The following BTBD2 variants were observed in gnomAD, a reference collection of about 807,000 sequenced individuals.
BTBD2 encodes BTB domain containing 2.
In BTBD2, 15 loss-of-function variants were observed where a neutral mutation model predicts 44.0. The observed-to-expected ratio is 0.34, with a 90% CI of 0.23 to 0.53. The LOEUF (loss-of-function observed/expected upper bound fraction) is 0.53, where lower values mean the gene tolerates loss of function less well. Ranked by LOEUF, BTBD2 falls within the 20% of genes least tolerant of loss-of-function variation. The pLI, the probability that BTBD2 is intolerant of heterozygous loss-of-function variation, is 0.95. For synonymous variants in BTBD2, 443 were observed against 335.9 expected (o/e 1.32, Z -3.49); for missense variants, 657 against 746.4 (o/e 0.88, Z 1.39).
chr19:1,999,690 G>C (rs1447692178), intron 1 of BTBD2, among the ~76,000 whole-genome samples: 1 of 151,716 alleles, frequency 6.6e-6, no homozygotes, highest in Admixed American at 6.6e-5. Flanking sequence ...GCCAGGTGCA[G>C]TGGCTCACGC....
At chr19:2,005,300 T>A (rs953276878) in intron 1 of BTBD2, among the ~76,000 whole-genome samples, 4 of 151,432 alleles carry the variant, frequency 2.6e-5, no homozygotes, top group African/African-American at 9.7e-5. Context: ...TGCCTCGGAG[T>A]GGAATGACCC....
rs1180437132 is a variant in BTBD2 at position 1,986,617 on chromosome 19, C to T, written c.1449G>A (p.Leu483=). The change falls in exon 9 of 9, where the codon CTG becomes CTA. Residue 483 remains leucine, a synonymous_variant. Coordinates refer to ENST00000255608, the MANE Select transcript of BTBD2 (RefSeq NM_017797.4). ...GPDSHYGTKG[L]RKVTHESPTT... ...TGGGCGACTCGTGTGTCACCTTGCG[C>T]AGGCCTTTGGTGCCGTAGTGGGAGT... 1.9e-6 allele frequency: 3 copies of T among 1,613,804 alleles called. No individual in the cohort carries two copies. Among genetic ancestry groups the T allele is most frequent in the Non-Finnish European group, 2.5e-6 (3 of 1,179,896 alleles).
At chr19:2,009,149 G>A (rs1415274573) in intron 1 of BTBD2, among the ~76,000 whole-genome samples, 1 of 151,914 alleles carries the variant, frequency 6.6e-6, no homozygotes, top group East Asian at 1.9e-4. Flanking sequence ...CTCCCCAGTA[G>A]CTGGGGTTAC....
chr19:2,008,224 A>T (rs2016418987), intron 1 of BTBD2, among the ~76,000 whole-genome samples: 1 of 151,748 alleles, frequency 6.6e-6, no homozygotes, highest in South Asian at 2.1e-4. Flanking sequence ...GGCTGCTCTC[A>T]AACTCCTGAC....
intron 1 of BTBD2, among the ~76,000 whole-genome samples, chr19:1,997,732 T>A (rs937159913): frequency 4.6e-5 from 7 of 152,298 alleles, no homozygotes; most frequent in African/African-American, 1.7e-4. Flanking sequence ...CTCACCATCC[T>A]CTCTCTTTCC....
At chr19:1,994,938 C>G (rs1379567575) in intron 2 of BTBD2, among the ~76,000 whole-genome samples, 1 of 152,006 alleles carries the variant, frequency 6.6e-6, no homozygotes, top group Admixed American at 6.6e-5. Flanking sequence ...ATGGTCAAAC[C>G]CAATGTCATG....
At chr19:2,010,929 C>A (rs1373016536) in intron 1 of BTBD2, among the ~76,000 whole-genome samples, 1 of 152,186 alleles carries the variant, frequency 6.6e-6, no homozygotes, top group Non-Finnish European at 1.5e-5. Flanking sequence ...TGAGCCACTG[C>A]GCCCGGCCTC....
Position 1,986,314 on chromosome 19 carries a change from CGTG to C in BTBD2, c.*171_*173del, listed in dbSNP as rs1311519902. The C allele has an allele frequency of 2.3e-4, 179 of 784,628 alleles. No individual in the cohort carries two copies. In the East Asian group the frequency reaches 3.9e-3, roughly 17 times the overall value. The allele number at this position is 784,628 out of a possible 1,614,324, so 48.6% of individuals were successfully genotyped here. ...GCTGCCCTGATCCAGCAGCCACACT[CGTG>C]GTGAACACAGGGCAACCCCGTCCTG... is the stretch of plus-strand genomic sequence containing the variant. On this transcript the variant is annotated 3_prime_UTR_variant, in exon 9 of 9. Coordinates refer to ENST00000255608, the MANE Select transcript of BTBD2 (RefSeq NM_017797.4).
Position 2,015,520 on chromosome 19 carries a change from G to A in BTBD2, c.184C>T (p.Pro62Ser). The stretch of plus-strand genomic sequence containing the variant: ...TGCGCGTCTGTCCCGGGGCCCGGCG[G>A]GGCGGGCGGCGTCGGCCCAGGGGCG... ...AAAPGPTPPA[P>S]PGPGTDAQAA... is the part of the protein sequence containing the mutation. The change falls in exon 1 of 9, where the codon CCG becomes TCG. Residue 62 changes from proline (P) to serine (S), a missense_variant. By Grantham distance (74) the Pro-to-Ser change is moderately conservative (BLOSUM62 -1). Coordinates refer to ENST00000255608, the MANE Select transcript of BTBD2 (RefSeq NM_017797.4). 4 of 973,910 alleles carry A rather than the reference G, an allele frequency of 4.1e-6. No individual in the cohort carries two copies. The highest frequency in any genetic ancestry group is 4.8e-6 in the Non-Finnish European group (4 of 827,058). The allele number at this position is 973,910 out of a possible 1,614,324, so 60.3% of individuals were successfully genotyped here.
intron 1 of BTBD2, among the ~76,000 whole-genome samples, chr19:1,998,653 G>A (rs752794830): frequency 2.7e-4 from 41 of 152,128 alleles, no homozygotes; most frequent in Non-Finnish European, 3.2e-4. Context: ...GTCTGTATGG[G>A]GTGGGGAGAA....
intron 1 of BTBD2, among the ~76,000 whole-genome samples, chr19:2,006,260 G>A (rs1028380540): frequency 1.4e-3 from 216 of 152,144 alleles, no homozygotes; most frequent in African/African-American, 4.9e-3. Context: ...GCCTAGTATT[G>A]GACAGCACAC....
intron 1 of BTBD2, among the ~76,000 whole-genome samples, chr19:2,007,517 T>C (rs1348057754): frequency 6.6e-6 from 1 of 152,166 alleles, no homozygotes. Flanking sequence ...CCCACACTGG[T>C]ACCAAACTCT....
At chr19:2,010,487 G>A (rs2016450810) in intron 1 of BTBD2, among the ~76,000 whole-genome samples, 1 of 152,166 alleles carries the variant, frequency 6.6e-6, no homozygotes, top group African/African-American at 2.4e-5. Context: ...CCTCCTCTCT[G>A]CCATGTCTCA....
rs368803790 is a variant in BTBD2, at chr19:2,013,704, G to A, written c.407+1593C>T. 5.1e-6 allele frequency: 5 copies of A among 984,132 alleles called. No homozygotes were observed. The African/African-American group carries it at 5.3e-5, about 10-fold the overall frequency. The allele number at this position is 984,132 out of a possible 1,614,324, so 61.0% of individuals were successfully genotyped here. ...TAGTCTATGATCTGGACTGCAGGGC[G>A]GGCAGGGGGTATCCCTGGAGGGGAG... On this transcript the variant is annotated intron_variant, in intron 1 of 8. Transcript: ENST00000255608.
chr19:2,007,460 A>C (rs1055833716), intron 1 of BTBD2, among the ~76,000 whole-genome samples: 1 of 152,026 alleles, frequency 6.6e-6, no homozygotes, highest in Non-Finnish European at 1.5e-5. Flanking sequence ...TGTGTCTTTT[A>C]TCTGTTTTGG....
At chr19:1,987,942 C>G (rs930302530) in intron 5 of BTBD2, 1 of 518,230 alleles carries the variant, frequency 1.9e-6, no homozygotes, top group African/African-American at 1.9e-5. Context: ...CAGGGTCTGA[C>G]AGATGCACTC....
At chr19:2,004,741 G>A (rs1439338108) in intron 1 of BTBD2, among the ~76,000 whole-genome samples, 2 of 151,462 alleles carry the variant, frequency 1.3e-5, no homozygotes, top group South Asian at 2.1e-4. Flanking sequence ...GACTTCGAGA[G>A]GCCAAGGCAG....
intron 4 of BTBD2, 175 bp from the exon 5 acceptor site, chr19:1,990,376 C>T (rs1273016251): frequency 2.3e-5 from 16 of 688,346 alleles, no homozygotes; most frequent in Middle Eastern, 4.1e-4. Flanking sequence ...CACAAGACCA[C>T]GCCCCTTCAT....
At chr19:2,000,208 G>C (rs1471161968) in intron 1 of BTBD2, among the ~76,000 whole-genome samples, 1 of 152,084 alleles carries the variant, frequency 6.6e-6, no homozygotes, top group East Asian at 1.9e-4. Flanking sequence ...CCAGTGTGTG[G>C]GCATTGGGAC....
Sources: gnomAD v4.1 joint callset for allele counts (sites outside exome capture counted in the v4.1 genomes callset) on GRCh38, gnomAD v4.1.1 for gene constraint, MANE v1.5 for transcripts, NCBI Gene and HGNC (gene_info 2026-07-23, HGNC 2026-07-21) for gene names.